The following SLC25A19 variants were observed in gnomAD, a reference collection of about 807,000 sequenced individuals.
SLC25A19 encodes solute carrier family 25 member 19, also known as mitochondrial thiamine pyrophosphate carrier.
Under a neutral mutation model 27.9 loss-of-function variants are expected in SLC25A19, and 18 were observed. The ratio of observed to expected loss-of-function variants is 0.64; its 90% CI spans 0.45 to 0.96. SLC25A19 has a LOEUF of 0.96. Among genes scored for constraint, SLC25A19 ranks in the 40% least tolerant of loss-of-function variants. The pLI, the probability that SLC25A19 is intolerant of heterozygous loss-of-function variation, is 0.00. For synonymous variants in SLC25A19, 169 were observed against 167.1 expected, an observed-to-expected ratio of 1.01 and a Z score of -0.09; for missense variants, 371 against 418.3, an observed-to-expected ratio of 0.89 and a Z score of 0.99.
chr17:75,276,645 G>A lies in SLC25A19; in HGVS notation c.774+708C>T, dbSNP rs527550331. On this transcript the variant is annotated intron_variant, in intron 7 of 7. Coordinates refer to ENST00000416858, the MANE Select transcript of SLC25A19 (RefSeq NM_001126121.2). ...GGCCTCCCAAAATGTTGGGATTACA[G>A]GAGTGAGCCACCACGTCCACGCCCA... Among the ~76,000 whole-genome samples the A allele has an allele frequency of 6.7e-5, 10 of 149,398 alleles. 1 individual carries two copies. The South Asian group carries it at 1.9e-3, about 29-fold the overall frequency.
At chr17:75,276,782 C>G (rs1442523463) in intron 7 of SLC25A19, among the ~76,000 whole-genome samples, 1 of 150,650 alleles carries the variant, frequency 6.6e-6, no homozygotes, top group Non-Finnish European at 1.5e-5. Context: ...TCACACCATT[C>G]TCCTGCCTCA....
intron 5 of SLC25A19, 90 bp from the exon 6 acceptor site, chr17:75,278,425 AC>A: frequency 7.0e-7 from 1 of 1,437,028 alleles, no homozygotes; most frequent in Non-Finnish European, 9.7e-7. Context: ...CGCCTAAAAT[AC>A]CAGCTACCAG....
At chr17:75,284,726 T>G (rs1279530567) in intron 4 of SLC25A19, among the ~76,000 whole-genome samples, 3 of 143,926 alleles carry the variant, frequency 2.1e-5, no homozygotes, top group Non-Finnish European at 4.5e-5. Flanking sequence ...CACTGCAGCC[T>G]CAACCTCCTG....
intron 5 of SLC25A19, among the ~76,000 whole-genome samples, chr17:75,281,997 C>T (rs562679446): frequency 8.6e-5 from 13 of 151,814 alleles, no homozygotes; most frequent in East Asian, 3.9e-4. Flanking sequence ...CTGCCGAGTG[C>T]GGTGGCTCAT....
chr17:75,283,749 T>C (rs1051411880), intron 4 of SLC25A19, among the ~76,000 whole-genome samples, 156 bp from the exon 5 acceptor site: 1 of 152,184 alleles, frequency 6.6e-6, no homozygotes, highest in Non-Finnish European at 1.5e-5. Context: ...CAGCATATGA[T>C]AAATACAACA....
At chr17:75,280,025 C>A (rs62089323) in intron 5 of SLC25A19, among the ~76,000 whole-genome samples, 15,934 of 152,134 alleles carry the variant, frequency 0.1, 990 homozygotes, top group South Asian at 0.19. Context: ...AATTATCCTT[C>A]CTTTCCCACT....
chr17:75,275,783 TGTCTCATATGGTGAAACCCC>T (rs1023377374), intron 7 of SLC25A19, among the ~76,000 whole-genome samples: 5 of 150,864 alleles, frequency 3.3e-5, no homozygotes, highest in African/African-American at 1.2e-4. Context: ...GGTGAAACCC[TGTCTCATATGGTGAAACCCC>T]GTCTCTTCTA....
At chr17:75,280,302 T>C (rs2078007158) in intron 5 of SLC25A19, among the ~76,000 whole-genome samples, 1 of 149,716 alleles carries the variant, frequency 6.7e-6, no homozygotes, top group South Asian at 2.1e-4. Flanking sequence ...CCCCAGGAGG[T>C]GGAGGCTGCA....
chr17:75,273,571 G>C lies in SLC25A19; in HGVS notation c.843C>G (p.Phe281Leu), dbSNP rs200178563. Reference sequence around the variant, plus strand: ...GCAAGCTGGGGGACAGGCCCTTGAAGAAGCCCAGGGCGCCTTCCTTTTGCA... The same window carrying C: ...GCAAGCTGGGGGACAGGCCCTTGAACAAGCCCAGGGCGCCTTCCTTTTGCA... ...QVLQKEGALG[F>L]FKGLSPSLLK... Residue 281 changes from phenylalanine to leucine, a missense_variant, in exon 8 of 8, where the codon TTC becomes TTG. Transcript: ENST00000416858. 5 of 1,614,018 alleles carry C rather than the reference G, an allele frequency of 3.1e-6. No homozygotes were observed. The East Asian group carries it at 1.1e-4, about 36-fold the overall frequency.
rs1274096003 is a variant in SLC25A19, at chr17:75,277,422, A to G, written c.705T>C (p.Tyr235=). The part of the protein sequence containing the change: ...GAGVISKTLT[Y]PLDLFKKRLQ... ...GCCGCTTCTTGAAGAGGTCCAGCGG[A>G]TATGTCAGGGTCTTGCTGATGACAC... Residue 235 remains tyrosine (Y), a synonymous_variant, in exon 7 of 8, where the codon TAT becomes TAC. Coordinates refer to ENST00000416858, the MANE Select transcript of SLC25A19 (RefSeq NM_001126121.2). 1.2e-6 allele frequency: 2 copies of G among 1,614,008 alleles called. No individual in the cohort carries two copies. Among genetic ancestry groups the G allele is most frequent in the African/African-American group, 1.3e-5 (1 of 74,910 alleles).
intron 7 of SLC25A19, 119 bp downstream of exon 7, chr17:75,277,234 G>A: frequency 2.2e-6 from 3 of 1,336,182 alleles, no homozygotes; most frequent in Non-Finnish European, 3.1e-6. Context: ...AATGGACGCA[G>A]GTGAAGGGGC....
intron 4 of SLC25A19, among the ~76,000 whole-genome samples, chr17:75,284,905 A>G (rs1168658576): frequency 6.6e-6 from 1 of 151,652 alleles, no homozygotes; most frequent in Admixed American, 6.6e-5. Context: ...GGGCTCCCAA[A>G]GGGCTGAGAT....
In SLC25A19 at chr17:75,273,509, G is replaced by C. The variant is rs768669571; in HGVS notation, c.905C>G (p.Ser302Trp). Residue 302 changes from serine to tryptophan, a missense_variant, in exon 8 of 8, where the codon TCG becomes TGG. Transcript: ENST00000416858. ...GAAGACATTACAGAAGAATTCATAC[G>C]AGAAGAACATGAAGCCTGTGGAGAG... ...AALSTGFMFFSYEFFCNVFHC... is the reference protein window; with the variant it reads ...AALSTGFMFFWYEFFCNVFHC... The C allele has an allele frequency of 3.1e-6, 5 of 1,614,182 alleles. No individual in the cohort carries two copies. The highest frequency in any genetic ancestry group is 4.2e-6 in the Non-Finnish European group (5 of 1,180,032).
At chr17:75,285,360 C>T (rs1280471043) in intron 4 of SLC25A19, among the ~76,000 whole-genome samples, 2 of 152,144 alleles carry the variant, frequency 1.3e-5, no homozygotes, top group East Asian at 1.9e-4. Flanking sequence ...CTGCAGCCTC[C>T]GCCTCCCGGG....
chr17:75,277,635 G>C, intron 6 of SLC25A19, 152 bp from the exon 7 acceptor site: 2 of 932,940 alleles, frequency 2.1e-6, no homozygotes, highest in East Asian at 2.7e-5. Flanking sequence ...ATTCCAAAAA[G>C]GAATGTAATC....
At position 75,286,296 on chromosome 17, in the gene SLC25A19, C is replaced by G. The variant is rs144563813; in HGVS notation, c.288+8G>C. The G allele has an allele frequency of 2.1e-4, 335 of 1,613,514 alleles. No homozygotes were observed. The East Asian group carries it at 7.2e-3, about 35-fold the overall frequency. ...CCCAGAGGTCTGGCCAGGTCCCTTG[C>G]CACCTACTTGGACAGCTCCATAGCC... On this transcript the variant is annotated splice_region_variant and intron_variant, in intron 4 of 7. Transcript: ENST00000416858.
chr17:75,275,295 G>T (rs976777282), intron 7 of SLC25A19, among the ~76,000 whole-genome samples: 1 of 151,962 alleles, frequency 6.6e-6, no homozygotes, highest in Admixed American at 6.6e-5. Flanking sequence ...AGCTGGCTTG[G>T]TCTTTCTTTC....
At chr17:75,286,833 G>A in intron 2 of SLC25A19, 31 bp from the exon 3 acceptor site, 2 of 1,600,998 alleles carry the variant, frequency 1.2e-6, no homozygotes, top group South Asian at 2.2e-5. Flanking sequence ...ATAAACACCA[G>A]GCAAGTTTCT....
intron 7 of SLC25A19, among the ~76,000 whole-genome samples, chr17:75,276,533 A>C (rs543899915): frequency 6.7e-6 from 1 of 150,050 alleles, no homozygotes; most frequent in African/African-American, 2.4e-5. Flanking sequence ...ATACCCAGCT[A>C]ATTTTTATAT....
Sources: gnomAD v4.1 joint callset for allele counts (sites outside exome capture counted in the v4.1 genomes callset) on GRCh38, gnomAD v4.1.1 for gene constraint, MANE v1.5 for transcripts, NCBI Gene and HGNC (gene_info 2026-07-23, HGNC 2026-07-21) for gene names.